Variants in GOPC observed in about 807,000 individuals in gnomAD.
GOPC encodes the protein Golgi-associated PDZ and coiled-coil motif-containing protein.
GOPC carries 32 observed loss-of-function variants against 51.2 expected under a neutral mutation model. That is an observed-to-expected ratio of 0.63 (90% CI 0.47 to 0.84). GOPC has a LOEUF of 0.84. Ranked by LOEUF, GOPC falls within the 40% of genes least tolerant of loss-of-function variation. The pLI, the probability that GOPC is intolerant of heterozygous loss-of-function variation, is 0.00. For missense variants in GOPC, 441 were observed against 555.5 expected (o/e 0.79, Z 2.07); for synonymous variants, 190 against 205.1 (o/e 0.93, Z 0.63).
Position 117,569,615 on chromosome 6 carries a change from C to T in GOPC, c.1034G>A (p.Arg345Lys). 3 of 1,612,954 alleles carry T rather than the reference C, an allele frequency of 1.9e-6. No homozygotes were observed. Among genetic ancestry groups the T allele is most frequent in the Non-Finnish European group, 2.5e-6 (3 of 1,179,640 alleles). The stretch of plus-strand genomic sequence containing the variant: ...TACAGCTTCTTTATGCTTTGTGTCC[C>T]TTAGGTTAACTCCGTTGACTGCCAA... Reference protein sequence around the residue: ...AILAVNGVNLRDTKHKEAVTI... With the variant: ...AILAVNGVNLKDTKHKEAVTI... The change falls in exon 7 of 9, where the codon AGG becomes AAG. Residue 345 changes from arginine to lysine, a missense_variant. This residue lies in a region of GOPC where 166 missense variants were observed against 267.0 expected (regional missense o/e 0.62). Coordinates refer to ENST00000368498, the MANE Select transcript of GOPC (RefSeq NM_020399.4).
rs781198868 is a variant in GOPC, at chr6:117,602,302, GC to G, written c.-15del. 13 of 1,576,332 alleles carry G rather than the reference GC, an allele frequency of 8.2e-6. No individual in the cohort carries two copies. The highest frequency in any genetic ancestry group is 1.1e-5 in the Non-Finnish European group (13 of 1,169,210). On this transcript the variant is annotated 5_prime_UTR_variant, in exon 1 of 9. Coordinates refer to ENST00000368498, the MANE Select transcript of GOPC (RefSeq NM_020399.4). The stretch of plus-strand genomic sequence containing the variant: ...GCCCGCCGACATGGCGCCGTCAAGG[GC>G]CTCTCCCGACTGCTGAAGACCCTCG...
At chr6:117,595,798 T>C (rs1176194254) in intron 1 of GOPC, among the ~76,000 whole-genome samples, 1 of 152,336 alleles carries the variant, frequency 6.6e-6, no homozygotes, top group African/African-American at 2.4e-5. Flanking sequence ...AATCCACTTA[T>C]TGATTGATGG....
chr6:117,601,563 T>A (rs1274408337), intron 1 of GOPC, among the ~76,000 whole-genome samples: 1 of 152,220 alleles, frequency 6.6e-6, no homozygotes, highest in Non-Finnish European at 1.5e-5. Context: ...CTGTATGCAA[T>A]CATAGGCGCT....
intron 8 of GOPC, among the ~76,000 whole-genome samples, chr6:117,566,163 T>C (rs2114602260): frequency 6.6e-6 from 1 of 152,286 alleles, no homozygotes; most frequent in Non-Finnish European, 1.5e-5. Flanking sequence ...ACCAGCAGTT[T>C]TACCCCAATT....
intron 1 of GOPC, among the ~76,000 whole-genome samples, chr6:117,580,181 G>T (rs1474127868): frequency 6.6e-6 from 1 of 152,090 alleles, no homozygotes; most frequent in African/African-American, 2.4e-5. Flanking sequence ...TCTGAGCATA[G>T]ATAGGGATCA....
At chr6:117,565,419 T>C (rs1052847343) in intron 8 of GOPC, among the ~76,000 whole-genome samples, 15 of 152,332 alleles carry the variant, frequency 9.8e-5, no homozygotes, top group African/African-American at 3.4e-4. Flanking sequence ...ATTTGAAACC[T>C]TATCAGTGAA....
At position 117,561,346 on chromosome 6, in the gene GOPC, T is replaced by A. The variant is rs1321910908; in HGVS notation, c.*1908A>T. 2 of 224,958 alleles carry A rather than the reference T, an allele frequency of 8.9e-6. No individual in the cohort carries two copies. Among genetic ancestry groups the A allele is most frequent in the East Asian group, 1.3e-4 (2 of 15,590 alleles). 13.9% of individuals were successfully genotyped at this position (224,958 alleles called of 1,614,324 possible). ...TAGCTTACATTTCCTAAGGATTCAG[T>A]CATAGCAGATAAAGGATGTTCTCTG... On this transcript the variant is annotated 3_prime_UTR_variant, in exon 9 of 9. Coordinates refer to ENST00000368498, the MANE Select transcript of GOPC (RefSeq NM_020399.4).
intron 1 of GOPC, among the ~76,000 whole-genome samples, chr6:117,593,260 A>G (rs976941391): frequency 6.6e-6 from 1 of 152,012 alleles, no homozygotes; most frequent in African/African-American, 2.4e-5. Context: ...GAAAAAAAAA[A>G]GCCATCAGAC....
chr6:117,601,172 CAAT>C (rs2114633859), intron 1 of GOPC, among the ~76,000 whole-genome samples: 1 of 152,234 alleles, frequency 6.6e-6, no homozygotes, highest in African/African-American at 2.4e-5. Context: ...ACTCTTTATG[CAAT>C]AATGTTAATC....
chr6:117,571,744 C>A (rs1346166410), intron 5 of GOPC, among the ~76,000 whole-genome samples: 1 of 152,082 alleles, frequency 6.6e-6, no homozygotes, highest in Non-Finnish European at 1.5e-5. Context: ...CACCAGTAAT[C>A]AATATTGTTA....
chr6:117,578,459 A>G (rs1259626509), intron 2 of GOPC, among the ~76,000 whole-genome samples: 1 of 152,076 alleles, frequency 6.6e-6, no homozygotes, highest in Non-Finnish European at 1.5e-5. Context: ...GATGGAAGGA[A>G]TCTGGATCTC....
chr6:117,593,569 CAG>C lies in GOPC; in HGVS notation c.285+8433_285+8434del, dbSNP rs1050462021. Among the ~76,000 whole-genome samples the C allele has an allele frequency of 9.8e-5, 15 of 152,290 alleles. No individual in the cohort carries two copies. The South Asian group carries it at 1.5e-3, about 15-fold the overall frequency. ...CCCCATCAGACATAATGTGTTTGTG[CAG>C]AGACTGATTTCTCTAGCTCCGTAGC... is the stretch of plus-strand genomic sequence containing the variant. On this transcript the variant is annotated intron_variant, in intron 1 of 8. Coordinates refer to ENST00000368498, the MANE Select transcript of GOPC (RefSeq NM_020399.4).
intron 1 of GOPC, among the ~76,000 whole-genome samples, chr6:117,597,371 C>CT (rs1780212065): frequency 6.6e-6 from 1 of 152,142 alleles, no homozygotes; most frequent in South Asian, 2.1e-4. Context: ...TTTGGATGTC[C>CT]TTTATTTCTT....
intron 1 of GOPC, among the ~76,000 whole-genome samples, chr6:117,589,196 A>G (rs1489776551): frequency 6.6e-6 from 1 of 152,270 alleles, no homozygotes; most frequent in Non-Finnish European, 1.5e-5. Context: ...GTAAGAGGAA[A>G]GAATGGTAAG....
At chr6:117,587,300 G>A (rs998604416) in intron 1 of GOPC, among the ~76,000 whole-genome samples, 9 of 151,920 alleles carry the variant, frequency 5.9e-5, no homozygotes, top group East Asian at 1.9e-4. Flanking sequence ...TCTGAGAGAC[G>A]CACTTTTTAT....
chr6:117,598,278 G>A (rs1197283526), intron 1 of GOPC, among the ~76,000 whole-genome samples: 1 of 151,884 alleles, frequency 6.6e-6, no homozygotes, highest in Admixed American at 6.6e-5. Flanking sequence ...GGAGGCTGAA[G>A]CAGAGGGATC....
intron 1 of GOPC, among the ~76,000 whole-genome samples, chr6:117,582,982 G>A (rs1298689285): frequency 1.3e-5 from 2 of 152,058 alleles, no homozygotes; most frequent in Non-Finnish European, 2.9e-5. Flanking sequence ...GCAGAGCTAA[G>A]AGAACCTTGT....
Position 117,600,982 on chromosome 6 carries a change from G to C in GOPC, c.285+1022C>G, listed in dbSNP as rs542182544. Among the ~76,000 whole-genome samples the C allele has an allele frequency of 2.4e-4, 36 of 152,306 alleles. No homozygotes were observed. In the South Asian group the frequency reaches 7.0e-3, roughly 30 times the overall value. ...GAATGCTGACCACTAGGCAAGGAGA[G>C]GATGTTTAACTGACATTCATATTGA... On this transcript the variant is annotated intron_variant, in intron 1 of 8. Coordinates refer to ENST00000368498, the MANE Select transcript of GOPC (RefSeq NM_020399.4).
chr6:117,601,861 C>T, intron 1 of GOPC, 143 bp downstream of exon 1: 1 of 923,114 alleles, frequency 1.1e-6, no homozygotes, highest in Non-Finnish European at 1.6e-6. Context: ...CCTCACCTCA[C>T]TCCTCAGACA....
Sources: allele counts gnomAD v4.1 joint callset (sites outside exome capture counted in the v4.1 genomes callset), GRCh38; gene constraint gnomAD v4.1.1; regional missense constraint gnomAD v4.1.1; transcripts MANE v1.5; gene names NCBI Gene and HGNC (gene_info 2026-07-23, HGNC 2026-07-21).